Variants in SEC24D observed in about 807,000 individuals in gnomAD.
SEC24D encodes the protein SEC24 homolog D, COPII component.
In SEC24D, 69 loss-of-function variants were observed where a neutral mutation model predicts 116.9. The ratio of observed to expected loss-of-function variants is 0.59; its 90% CI spans 0.49 to 0.72. The LOEUF is 0.72. Ranked by LOEUF, SEC24D falls within the 30% of genes least tolerant of loss-of-function variation. SEC24D has a pLI of 0.00. For synonymous variants in SEC24D, 405 were observed against 442.8 expected (o/e 0.91, Z 1.07); for missense variants, 1,131 against 1,264.1 (o/e 0.89, Z 1.60).
At chr4:118,731,195 C>A (rs1459503743) in intron 21 of SEC24D, 121 bp downstream of exon 21, 15 of 785,892 alleles carry the variant, frequency 1.9e-5, no homozygotes, top group African/African-American at 3.5e-5. Flanking sequence ...TTATTTCTTT[C>A]ATATACAGAA....
Position 118,815,527 on chromosome 4 carries a change from AG to A in SEC24D, c.596del (p.Pro199LeufsTer72), listed in dbSNP as rs1328250294. On this transcript the variant is annotated frameshift_variant, in exon 5 of 23. Transcript: ENST00000280551. LOFTEE classifies it high-confidence loss of function. ...PMYRPDGLSG[P>X]PPPNAQYQPP... ...GCTGGTACTGGGCATTTGGAGGAGGAGGCCCAGAGAGCCCATCTGGTCTGTA... is the reference window on the plus strand; with the variant it reads ...GCTGGTACTGGGCATTTGGAGGAGGAGCCCAGAGAGCCCATCTGGTCTGTA... The A allele has an allele frequency of 6.2e-7, 1 of 1,614,062 alleles. No individual in the cohort carries two copies. The highest frequency in any genetic ancestry group is 2.2e-5 in the East Asian group (1 of 44,884).
At position 118,723,315 on chromosome 4, in the gene SEC24D, T is replaced by G. The variant is rs905664609; in HGVS notation, c.*200A>C. ...AAACTGTGCAATCAGAAACAGATTG[T>G]TCCCTTTATGGTACAATTGTACCTT... is the stretch of plus-strand genomic sequence containing the variant. On this transcript the variant is annotated 3_prime_UTR_variant, in exon 23 of 23. Transcript: ENST00000280551. 3.3e-5 allele frequency: 16 copies of G among 484,014 alleles called. No homozygotes were observed. Among genetic ancestry groups the G allele is most frequent in the Non-Finnish European group, 5.0e-5 (14 of 278,826 alleles). The allele number at this position is 484,014 out of a possible 1,614,324, so 30.0% of individuals were successfully genotyped here. A position where few individuals can be genotyped will look rare whatever the true frequency, so the allele number is the denominator to read the frequency against.
chr4:118,810,122 GTGTGTGTGTGTGTGTC>G (rs1560737137), intron 6 of SEC24D, among the ~76,000 whole-genome samples: 2 of 146,938 alleles, frequency 1.4e-5, no homozygotes, highest in Admixed American at 6.9e-5. Context: ...GTGTGTGTGT[GTGTGTGTGTGTGTGTC>G]AGAGGGTATA....
intron 7 of SEC24D, among the ~76,000 whole-genome samples, chr4:118,800,698 T>TA (rs946353691): frequency 2.8e-4 from 43 of 152,292 alleles, no homozygotes; most frequent in Non-Finnish European, 5.1e-4. Flanking sequence ...CTAAGACTGT[T>TA]ACGTGTAAAC....
At chr4:118,810,986 A>G (rs1287911790) in intron 6 of SEC24D, among the ~76,000 whole-genome samples, 3 of 152,240 alleles carry the variant, frequency 2.0e-5, no homozygotes, top group African/African-American at 4.8e-5. Context: ...CGGAGTAAAC[A>G]GATGTGTCAA....
At chr4:118,742,375 G>GGC (rs1553923030) in intron 15 of SEC24D, among the ~76,000 whole-genome samples, 1 of 151,466 alleles carries the variant, frequency 6.6e-6, no homozygotes, top group Non-Finnish European at 1.5e-5. Context: ...TGGAAAAGTG[G>GGC]GGGGGGGAAA....
chr4:118,812,635 G>T (rs1729966335), intron 6 of SEC24D, among the ~76,000 whole-genome samples: 2 of 152,024 alleles, frequency 1.3e-5, no homozygotes, highest in African/African-American at 4.8e-5. Context: ...CTGAGTGGTG[G>T]GACTCCAGAG....
At chr4:118,725,132 AAAT>A (rs1322699919) in intron 22 of SEC24D, among the ~76,000 whole-genome samples, 3 of 152,174 alleles carry the variant, frequency 2.0e-5, no homozygotes, top group Non-Finnish European at 2.9e-5. Flanking sequence ...GACCTAGTAA[AAAT>A]AATAATATAT....
Position 118,781,392 on chromosome 4 carries a change from C to A in SEC24D, c.1042-13081G>T, listed in dbSNP as rs530489643. On this transcript the variant is annotated intron_variant, in intron 8 of 22. Coordinates refer to ENST00000280551, the MANE Select transcript of SEC24D (RefSeq NM_014822.4). ...GAAATTCTGGGTTGAAAATTCTTTT[C>A]TTTAAGAATGTTGAATATTGGCCCC... 3.1e-3 allele frequency among the ~76,000 whole-genome samples: 473 copies of A among 152,274 alleles called. 1 individual carries two copies. The highest frequency in any genetic ancestry group is 0.011 in the African/African-American group (445 of 41,552).
chr4:118,793,206 G>A (rs1030236178), intron 8 of SEC24D, among the ~76,000 whole-genome samples: 3 of 152,104 alleles, frequency 2.0e-5, no homozygotes, highest in African/African-American at 7.2e-5. Flanking sequence ...GGTGGCTCAC[G>A]CCTGTAATCC....
At chr4:118,796,362 C>T (rs1040950616) in intron 8 of SEC24D, among the ~76,000 whole-genome samples, 4 of 152,064 alleles carry the variant, frequency 2.6e-5, no homozygotes, top group Non-Finnish European at 5.9e-5. Flanking sequence ...TATTAAATTT[C>T]TAGAACCATC....
intron 8 of SEC24D, among the ~76,000 whole-genome samples, chr4:118,781,875 C>T (rs549164415): frequency 8.5e-5 from 13 of 152,234 alleles, no homozygotes; most frequent in Admixed American, 2.6e-4. Context: ...TTGAAGGAAT[C>T]GGCTACTGAA....
chr4:118,761,140 T>C (rs1266159226), intron 10 of SEC24D, among the ~76,000 whole-genome samples: 16 of 152,202 alleles, frequency 1.1e-4, no homozygotes, highest in Admixed American at 1.0e-3. Context: ...TACAGACTGC[T>C]GTCAGAATAA....
At chr4:118,761,839 T>A (rs1243428769) in intron 10 of SEC24D, among the ~76,000 whole-genome samples, 4 of 152,220 alleles carry the variant, frequency 2.6e-5, no homozygotes, top group South Asian at 2.1e-4. Context: ...CAAATGTCAC[T>A]TCCTCTATGA....
chr4:118,773,264 T>C (rs886288513), intron 8 of SEC24D, among the ~76,000 whole-genome samples: 1 of 151,572 alleles, frequency 6.6e-6, no homozygotes, highest in African/African-American at 2.4e-5. Context: ...AGGAAATACC[T>C]TGGCTAAGCA....
intron 7 of SEC24D, among the ~76,000 whole-genome samples, chr4:118,803,739 C>A (rs945490282): frequency 6.6e-6 from 1 of 152,118 alleles, no homozygotes; most frequent in Non-Finnish European, 1.5e-5. Context: ...CTACTAGCTA[C>A]ATTTCTTAGG....
intron 8 of SEC24D, among the ~76,000 whole-genome samples, chr4:118,770,726 C>G (rs889242419): frequency 6.6e-6 from 1 of 152,166 alleles, no homozygotes; most frequent in Non-Finnish European, 1.5e-5. Context: ...CCAGACCCAG[C>G]CTAAAATTAC....
At chr4:118,735,784 C>G (rs1725927950) in intron 19 of SEC24D, 1 of 151,568 alleles carries the variant, frequency 6.6e-6, no homozygotes, top group African/African-American at 2.4e-5. Flanking sequence ...TCCTCAAGCT[C>G]CTGGGTTCCA....
chr4:118,742,805 T>G (rs557180167), intron 15 of SEC24D, among the ~76,000 whole-genome samples: 1 of 152,308 alleles, frequency 6.6e-6, no homozygotes, highest in African/African-American at 2.4e-5. Context: ...CCCTTCTCCT[T>G]AGGTGATGGG....
Sources: allele counts gnomAD v4.1 joint callset (sites outside exome capture counted in the v4.1 genomes callset), GRCh38; gene constraint gnomAD v4.1.1; transcripts MANE v1.5; gene names NCBI Gene and HGNC (gene_info 2026-07-23, HGNC 2026-07-21).